Variants in LINGO2 observed in about 807,000 individuals in gnomAD.
The protein encoded by LINGO2 is leucine rich repeat and Ig domain containing 2.
A neutral mutation model predicts 30.6 loss-of-function variants in LINGO2; 14 were observed. The observed-to-expected ratio is 0.46, with a 90% CI of 0.30 to 0.72. LINGO2 has a LOEUF of 0.72. Ranked by LOEUF, LINGO2 falls within the 30% of genes least tolerant of loss-of-function variation. LINGO2 has a pLI of 0.07. For missense variants in LINGO2, 729 were observed against 751.7 expected (o/e 0.97, Z 0.35); for synonymous variants, 317 against 288.5 (o/e 1.10, Z -1.00).
the LINGO2 span, among the ~76,000 whole-genome samples, chr9:28,936,098 T>G: frequency 3.9e-5 from 6 of 152,168 alleles, no homozygotes; most frequent in Non-Finnish European, 8.8e-5. Context: ...CCAATACCCT[T>G]AATTATTCAC....
rs537948520 is a variant in LINGO2 at position 28,346,660 on chromosome 9, G to A, written c.-246+26176C>T. 3.3e-5 allele frequency among the ~76,000 whole-genome samples: 5 copies of A among 152,254 alleles called. No individual in the cohort carries two copies. In the South Asian group the frequency reaches 8.3e-4, roughly 25 times the overall value. On this transcript the variant is annotated intron_variant, in intron 3 of 5. Transcript: ENST00000379992. ...ACTAATTTATAATCCCACCAGCAGT[G>A]TATAAGCATTCCCTTTTCTCCACAA...
chr9:28,694,966 T>C, the LINGO2 span, among the ~76,000 whole-genome samples: 2 of 151,672 alleles, frequency 1.3e-5, no homozygotes, highest in Admixed American at 6.6e-5. Flanking sequence ...TTTTTTTTTT[T>C]TAATGCAGCT....
the LINGO2 span, among the ~76,000 whole-genome samples, chr9:28,807,593 T>C: frequency 6.6e-6 from 1 of 152,212 alleles, no homozygotes; most frequent in Non-Finnish European, 1.5e-5. Flanking sequence ...CAAACTGGCA[T>C]GCATTTAAAA....
At chr9:28,171,890 C>T (rs1828595489) in intron 4 of LINGO2, among the ~76,000 whole-genome samples, 1 of 150,260 alleles carries the variant, frequency 6.7e-6, no homozygotes, top group East Asian at 2.0e-4. Flanking sequence ...GGCGTGGTGG[C>T]GGGCCCCTGT....
intron 4 of LINGO2, among the ~76,000 whole-genome samples, chr9:28,015,196 G>C (rs1331905134): frequency 6.6e-6 from 1 of 152,142 alleles, no homozygotes; most frequent in Admixed American, 6.5e-5. Context: ...TTCTTGGATA[G>C]GAGCTGGGAT....
At chr9:28,233,030 T>TTATATATATATATATATATATATATATA (rs1554690875) in intron 4 of LINGO2, among the ~76,000 whole-genome samples, 4 of 77,670 alleles carry the variant, frequency 5.1e-5, no homozygotes, top group East Asian at 3.3e-4. Context: ...ACAGTAAACA[T>TTATATATATATATATATATATATATATA]TATATATATA....
intron 5 of LINGO2, among the ~76,000 whole-genome samples, chr9:27,951,182 T>C (rs528558313): frequency 6.6e-6 from 1 of 152,366 alleles, no homozygotes; most frequent in East Asian, 1.9e-4. Context: ...TTTCATTCTA[T>C]ATCAGGCCTT....
chr9:29,095,304 T>C, the LINGO2 span, among the ~76,000 whole-genome samples: 1 of 139,086 alleles, frequency 7.2e-6, no homozygotes, highest in East Asian at 2.5e-4. Flanking sequence ...TTTATTTAAC[T>C]ATGGCAATAG....
the LINGO2 span, among the ~76,000 whole-genome samples, chr9:28,865,040 A>T: frequency 3.3e-5 from 5 of 152,130 alleles, no homozygotes; most frequent in Non-Finnish European, 5.9e-5. Flanking sequence ...TCTCTAAGGG[A>T]ATACCATATA....
chr9:28,232,831 T>C (rs1415962767), intron 4 of LINGO2, among the ~76,000 whole-genome samples: 1 of 151,224 alleles, frequency 6.6e-6, no homozygotes, highest in Non-Finnish European at 1.5e-5. Flanking sequence ...CTTCTTGCAT[T>C]CCCCATATAA....
In LINGO2 at chr9:28,550,698, A is replaced by C. The variant is rs547832681; in HGVS notation, c.-364-74673T>G. 3.3e-5 allele frequency among the ~76,000 whole-genome samples: 5 copies of C among 151,928 alleles called. No individual in the cohort carries two copies. The South Asian group carries it at 8.3e-4, about 25-fold the overall frequency. On this transcript the variant is annotated intron_variant, in intron 1 of 5. Transcript: ENST00000379992. ...ACTCTGTGAAACAAATTACCATTTA[A>C]TATTTTTGCTTTCATAAAATAGAAT...
At chr9:28,045,125 A>T (rs759531635) in intron 4 of LINGO2, among the ~76,000 whole-genome samples, 8 of 151,906 alleles carry the variant, frequency 5.3e-5, no homozygotes, top group Non-Finnish European at 1.2e-4. Flanking sequence ...CATCCTTATG[A>T]TCCCACATAA....
At chr9:29,016,412 G>A in the LINGO2 span, among the ~76,000 whole-genome samples, 1 of 152,110 alleles carries the variant, frequency 6.6e-6, no homozygotes, top group East Asian at 1.9e-4. Context: ...CTTTCACAGT[G>A]TATACACTGA....
the LINGO2 span, among the ~76,000 whole-genome samples, chr9:28,993,553 G>T: frequency 4.0e-5 from 6 of 151,380 alleles, no homozygotes; most frequent in Admixed American, 3.3e-4. Context: ...GCCGGGCAGA[G>T]ACACAACCAA....
At chr9:28,683,414 G>A in the LINGO2 span, among the ~76,000 whole-genome samples, 1 of 152,054 alleles carries the variant, frequency 6.6e-6, no homozygotes, top group Non-Finnish European at 1.5e-5. Flanking sequence ...TTCATGGGAT[G>A]ATCATAGTAT....
chr9:29,018,934 G>C, the LINGO2 span, among the ~76,000 whole-genome samples: 1 of 152,084 alleles, frequency 6.6e-6, no homozygotes, highest in Non-Finnish European at 1.5e-5. Context: ...ACTTGAAGAA[G>C]CTCTTCTCAC....
chr9:28,323,701 G>A (rs570426188), intron 3 of LINGO2, among the ~76,000 whole-genome samples: 51 of 152,080 alleles, frequency 3.4e-4, no homozygotes, highest in Non-Finnish European at 6.3e-4. Flanking sequence ...ACATAAGTTC[G>A]GAGAACAATG....
At chr9:28,493,768 G>T (rs114257328) in intron 1 of LINGO2, among the ~76,000 whole-genome samples, 1 of 152,048 alleles carries the variant, frequency 6.6e-6, no homozygotes, top group African/African-American at 2.4e-5. Context: ...AATCTGAGTG[G>T]GTACAGATCT....
intron 4 of LINGO2, among the ~76,000 whole-genome samples, chr9:28,207,167 A>G (rs1237514080): frequency 2.0e-5 from 3 of 152,140 alleles, no homozygotes; most frequent in Non-Finnish European, 2.9e-5. Flanking sequence ...TAAATACGGT[A>G]ATTTTTAATA....
Sources: gnomAD v4.1 joint callset for allele counts (sites outside exome capture counted in the v4.1 genomes callset) on GRCh38, gnomAD v4.1.1 for gene constraint, MANE v1.5 for transcripts, NCBI Gene and HGNC (gene_info 2026-07-23, HGNC 2026-07-21) for gene names.